The following AK5 variants were observed in gnomAD, a reference collection of about 807,000 sequenced individuals.
AK5 encodes adenylate kinase 5, also known as adenylate kinase isoenzyme 5.
In AK5, 27 loss-of-function variants were observed where a neutral mutation model predicts 69.5. The observed-to-expected ratio is 0.39, with a 90% CI of 0.29 to 0.54. The LOEUF is 0.54. Ranked by LOEUF, AK5 falls within the 20% of genes least tolerant of loss-of-function variation. The pLI, the probability that AK5 is intolerant of heterozygous loss-of-function variation, is 0.71. For synonymous variants in AK5, 260 were observed against 244.4 expected (o/e 1.06, Z -0.60); for missense variants, 531 against 700.4 (o/e 0.76, Z 2.73).
chr1:77,454,865 C>T (rs1653377088), intron 8 of AK5, among the ~76,000 whole-genome samples: 1 of 151,968 alleles, frequency 6.6e-6, no homozygotes, highest in African/African-American at 2.4e-5. Context: ...AATTACAATC[C>T]TTATCAAGAG....
chr1:77,282,409 G>T lies in AK5; in HGVS notation c.60+36G>T, dbSNP rs1399549858. 5 of 1,529,218 alleles carry T rather than the reference G, an allele frequency of 3.3e-6. No homozygotes were observed. The Admixed American group carries it at 8.3e-5, about 25-fold the overall frequency. 94.7% of individuals were successfully genotyped at this position (1,529,218 alleles called of 1,614,324 possible). A position where few individuals can be genotyped will look rare whatever the true frequency, so the allele number is the denominator to read the frequency against. ...AGCTGGCCGACGGGCGGTAGCATCCGGGGACTGCATCTCAGGGGTTCGGGT... is the reference window on the plus strand; with the variant it reads ...AGCTGGCCGACGGGCGGTAGCATCCTGGGACTGCATCTCAGGGGTTCGGGT... On this transcript the variant is annotated intron_variant, in intron 1 of 13. Coordinates refer to ENST00000354567, the MANE Select transcript of AK5 (RefSeq NM_174858.3).
chr1:77,490,908 AC>A (rs1570248507), intron 10 of AK5, among the ~76,000 whole-genome samples: 1 of 150,926 alleles, frequency 6.6e-6, no homozygotes, highest in East Asian at 1.9e-4. Context: ...CTAAATTCCT[AC>A]TAATTTATAT....
chr1:77,545,944 T>C (rs1381186581), intron 13 of AK5, among the ~76,000 whole-genome samples: 1 of 152,178 alleles, frequency 6.6e-6, no homozygotes, highest in East Asian at 1.9e-4. Context: ...GAAGCATAAG[T>C]CTTCCATCTG....
chr1:77,412,671 C>T (rs1650124224), intron 7 of AK5, among the ~76,000 whole-genome samples: 1 of 152,124 alleles, frequency 6.6e-6, no homozygotes, highest in Non-Finnish European at 1.5e-5. Context: ...TAAGTCATAT[C>T]CATGGCCTCT....
chr1:77,422,571 C>T (rs1175748189), intron 8 of AK5, among the ~76,000 whole-genome samples: 2 of 152,146 alleles, frequency 1.3e-5, no homozygotes, highest in Admixed American at 1.3e-4. Context: ...GAAGTTTCCT[C>T]AACCCTATTG....
At chr1:77,286,274 T>C (rs1167667672) in intron 1 of AK5, among the ~76,000 whole-genome samples, 1 of 151,114 alleles carries the variant, frequency 6.6e-6, no homozygotes, top group Non-Finnish European at 1.5e-5. Context: ...ACATAAAGGG[T>C]GGGTAGGAGT....
rs1652549402 is a variant in AK5, at chr1:77,444,278, CACAACATATGTGTATATATATAG to C, written c.1059+26564_1059+26586del. Among the ~76,000 whole-genome samples the C allele has an allele frequency of 1.4e-4, 6 of 42,684 alleles. No individual in the cohort carries two copies. The Admixed American group carries it at 1.9e-3, about 13-fold the overall frequency. The allele number at this position is 42,684 out of a possible 152,430, so 28.0% of individuals were successfully genotyped here. Reference sequence around the variant, plus strand: ...TATGTGTATATATATAGTATATATACACAACATATGTGTATATATATAGTATATATACACAATATATGTGTATA... The same window carrying C: ...TATGTGTATATATATAGTATATATACTATATATACACAATATATGTGTATA... On this transcript the variant is annotated intron_variant, in intron 8 of 13. Coordinates refer to ENST00000354567, the MANE Select transcript of AK5 (RefSeq NM_174858.3).
At chr1:77,448,752 C>A (rs1236567893) in intron 8 of AK5, among the ~76,000 whole-genome samples, 1 of 152,206 alleles carries the variant, frequency 6.6e-6, no homozygotes, top group South Asian at 2.1e-4. Context: ...AGAGCTGTGG[C>A]CCTCTGGGGA....
chr1:77,298,089 G>A, intron 5 of AK5, 142 bp downstream of exon 5: 2 of 467,394 alleles, frequency 4.3e-6, no homozygotes, highest in Non-Finnish European at 7.3e-6. Flanking sequence ...AGTATGGGTT[G>A]GCAGAAGGTC....
At chr1:77,477,976 A>T (rs1655048208) in intron 8 of AK5, among the ~76,000 whole-genome samples, 1 of 152,196 alleles carries the variant, frequency 6.6e-6, no homozygotes, top group South Asian at 2.1e-4. Flanking sequence ...AAACGGTTTA[A>T]GGAAGGACGG....
At chr1:77,319,227 G>T (rs1337495693) in intron 5 of AK5, among the ~76,000 whole-genome samples, 3 of 152,188 alleles carry the variant, frequency 2.0e-5, no homozygotes, top group Non-Finnish European at 4.4e-5. Context: ...TAAATTTCAA[G>T]ACTTTCCTTT....
At chr1:77,510,170 A>C (rs910584000) in intron 10 of AK5, among the ~76,000 whole-genome samples, 1 of 152,170 alleles carries the variant, frequency 6.6e-6, no homozygotes, top group African/African-American at 2.4e-5. Flanking sequence ...GGCTCTTGTT[A>C]ACAATTGTCT....
At chr1:77,481,998 A>G (rs1655281467) in intron 8 of AK5, among the ~76,000 whole-genome samples, 1 of 152,216 alleles carries the variant, frequency 6.6e-6, no homozygotes, top group Non-Finnish European at 1.5e-5. Flanking sequence ...CTGTACTTAT[A>G]TGGAAATTTC....
chr1:77,495,592 CTA>C (rs1050902519), intron 10 of AK5, among the ~76,000 whole-genome samples: 17 of 152,194 alleles, frequency 1.1e-4, no homozygotes, highest in Admixed American at 1.1e-3. Context: ...AGAATTTATG[CTA>C]TGTCTTTTAC....
chr1:77,481,212 T>G (rs1655235208), intron 8 of AK5, among the ~76,000 whole-genome samples: 1 of 152,188 alleles, frequency 6.6e-6, no homozygotes, highest in South Asian at 2.1e-4. Flanking sequence ...CTGACGTCAC[T>G]AAGGACATGA....
chr1:77,286,681 T>C lies in AK5; in HGVS notation c.61-260T>C, dbSNP rs538982404. 1.7e-4 allele frequency among the ~76,000 whole-genome samples: 26 copies of C among 152,022 alleles called. 1 individual carries two copies. Among genetic ancestry groups the C allele is most frequent in the African/African-American group, 6.0e-4 (25 of 41,446 alleles). ...GGCCAACATGGTGAAACCCTGTCTC[T>C]ACTAAAAATACAAAAAGTAGCTGGG... On this transcript the variant is annotated intron_variant, in intron 1 of 13. Coordinates refer to ENST00000354567, the MANE Select transcript of AK5 (RefSeq NM_174858.3).
intron 5 of AK5, among the ~76,000 whole-genome samples, chr1:77,308,396 G>A (rs141329884): frequency 1.4e-4 from 20 of 144,244 alleles, no homozygotes; most frequent in Admixed American, 2.9e-4. Flanking sequence ...CTGAGATAGC[G>A]CCACGGCACT....
chr1:77,426,907 A>G (rs1255369220), intron 8 of AK5, among the ~76,000 whole-genome samples: 1 of 152,208 alleles, frequency 6.6e-6, no homozygotes, highest in Non-Finnish European at 1.5e-5. Flanking sequence ...AAAAAACCTC[A>G]AGAGAAATGT....
At chr1:77,538,892 A>T (rs962955368) in intron 13 of AK5, among the ~76,000 whole-genome samples, 1 of 152,214 alleles carries the variant, frequency 6.6e-6, no homozygotes, top group Admixed American at 6.5e-5. Context: ...TTTCTAAGTT[A>T]GTGGTGTCCA....
Sources: gnomAD v4.1 joint callset for allele counts (sites outside exome capture counted in the v4.1 genomes callset) on GRCh38, gnomAD v4.1.1 for gene constraint, MANE v1.5 for transcripts, NCBI Gene and HGNC (gene_info 2026-07-23, HGNC 2026-07-21) for gene names.